SLC17A2: variants seen among roughly 807,000 people sequenced by gnomAD.
SLC17A2 encodes solute carrier family 17 member 2.
Under a neutral mutation model 52.1 loss-of-function variants are expected in SLC17A2, and 38 were observed. The ratio of observed to expected loss-of-function variants is 0.73; its 90% CI spans 0.56 to 0.96. The LOEUF (loss-of-function observed/expected upper bound fraction) is 0.96. Among genes scored for constraint, SLC17A2 ranks in the 40% least tolerant of loss-of-function variants. SLC17A2 has a pLI of 0.00. For missense variants in SLC17A2, 508 were observed against 583.9 expected (o/e 0.87, Z 1.34); for synonymous variants, 226 against 211.9 (o/e 1.07, Z -0.58).
intron 5 of SLC17A2, among the ~76,000 whole-genome samples, chr6:25,919,571 G>T (rs1346287344): frequency 6.6e-6 from 1 of 151,370 alleles, no homozygotes; most frequent in Non-Finnish European, 1.5e-5. Context: ...ATGGTGGCAG[G>T]CGCCTGTAGT....
chr6:25,925,678 C>A (rs1766736534), intron 2 of SLC17A2, 91 bp downstream of exon 2: 1 of 1,191,772 alleles, frequency 8.4e-7, no homozygotes, highest in Non-Finnish European at 1.3e-6. Flanking sequence ...AGTATCTTTA[C>A]GAAGGGTCAG....
At chr6:25,924,838 C>T (rs776839024) in intron 2 of SLC17A2, among the ~76,000 whole-genome samples, 5 of 151,328 alleles carry the variant, frequency 3.3e-5, no homozygotes, top group Non-Finnish European at 5.9e-5. Flanking sequence ...ATATGTAGAA[C>T]TATTTTTACA....
chr6:25,923,741 T>C lies in SLC17A2; in HGVS notation c.194A>G (p.Asp65Gly). The change falls in exon 3 of 12, where the codon GAT (aspartate) becomes GGT (glycine). Residue 65 changes from aspartate to glycine, a missense_variant. Transcript: ENST00000377850. Reference protein sequence around the residue: ...SNASTEGPVADAFNNSSISIK... With the variant: ...SNASTEGPVAGAFNNSSISIK... ...GGATATGCTGGAGTTATTGAAGGCA[T>C]CTGCAACAGGCCCCTCAGTGGAGGC... is the stretch of plus-strand genomic sequence containing the variant. The C allele has an allele frequency of 6.2e-7, 1 of 1,614,238 alleles. No homozygotes were observed. The highest frequency in any genetic ancestry group is 1.3e-5 in the African/African-American group (1 of 75,068).
intron 5 of SLC17A2, among the ~76,000 whole-genome samples, chr6:25,919,757 A>G (rs749857887): frequency 2.7e-5 from 4 of 147,908 alleles, no homozygotes; most frequent in Non-Finnish European, 4.5e-5. Flanking sequence ...TAAGCTATGC[A>G]ATAGGATAGA....
At chr6:25,918,344 A>T in intron 6 of SLC17A2, 143 bp downstream of exon 6, 1 of 622,820 alleles carries the variant, frequency 1.6e-6, no homozygotes, top group South Asian at 1.9e-5. Context: ...TAGATTAAAA[A>T]TGATACCAAC....
chr6:25,921,309 A>T lies in SLC17A2; in HGVS notation c.344T>A (p.Ile115Lys), dbSNP rs1245918818. The T allele has an allele frequency of 6.2e-7, 1 of 1,614,140 alleles. No homozygotes were observed. Among genetic ancestry groups the T allele is most frequent in the Non-Finnish European group, 8.5e-7 (1 of 1,180,012 alleles). Reference protein sequence around the residue: ...TLIPSGYLAGIFGAKKMLGAG... With the variant: ...TLIPSGYLAGKFGAKKMLGAG... The stretch of plus-strand genomic sequence containing the variant: ...ACCAAGCATTTTTTTTGCTCCAAAT[A>T]TCCCTGCTAAATATCCACTTGGGAT... The change falls in exon 4 of 12, where the codon ATA becomes AAA. Residue 115 changes from isoleucine (I) to lysine (K), a missense_variant. Coordinates refer to ENST00000377850, the MANE Select transcript of SLC17A2 (RefSeq NM_001286123.3).
At chr6:25,925,720 T>G in intron 2 of SLC17A2, 49 bp downstream of exon 2, 1 of 1,553,788 alleles carries the variant, frequency 6.4e-7, no homozygotes. Context: ...TGTGTCGGAA[T>G]AAGCTTCAGC....
chr6:25,929,753 C>T (rs1325735809), intron 1 of SLC17A2, among the ~76,000 whole-genome samples: 1 of 152,108 alleles, frequency 6.6e-6, no homozygotes, highest in African/African-American at 2.4e-5. Context: ...GTACAATTTT[C>T]TTGCCTTCAG....
rs1049966413 is a variant in SLC17A2 at position 25,930,374 on chromosome 6, T to A, written c.-181A>T. The A allele has an allele frequency of 1.3e-5, 2 of 152,232 alleles. No homozygotes were observed. Among genetic ancestry groups the A allele is most frequent in the African/African-American group, 4.8e-5 (2 of 41,466 alleles). 9.4% of individuals were successfully genotyped at this position (152,232 alleles called of 1,614,324 possible). A position where few individuals can be genotyped will look rare whatever the true frequency, so the allele number is the denominator to read the frequency against. Reference sequence around the variant, plus strand: ...GTCTTCATTGAATCAGTTATCTTTTTCAGAGAGTCTCTTCATTTTGGAATT... The same window carrying A: ...GTCTTCATTGAATCAGTTATCTTTTACAGAGAGTCTCTTCATTTTGGAATT... On this transcript the variant is annotated 5_prime_UTR_variant, in exon 1 of 12. Transcript: ENST00000377850.
intron 6 of SLC17A2, among the ~76,000 whole-genome samples, chr6:25,917,881 G>A (rs1490593055): frequency 1.3e-5 from 2 of 152,166 alleles, no homozygotes; most frequent in African/African-American, 4.8e-5. Context: ...AACATAGAAT[G>A]GATTCCTTGC....
intron 10 of SLC17A2, 88 bp downstream of exon 10, chr6:25,915,411 G>A (rs1766270116): frequency 6.0e-6 from 7 of 1,159,000 alleles, no homozygotes; most frequent in Non-Finnish European, 5.9e-6. Flanking sequence ...TGCAATGTCA[G>A]TAACATTAAA....
chr6:25,917,011 A>T lies in SLC17A2; in HGVS notation c.726T>A (p.Ser242Arg). 2 of 1,614,110 alleles carry T rather than the reference A, an allele frequency of 1.2e-6. No homozygotes were observed. The highest frequency in any genetic ancestry group is 1.7e-6 in the Non-Finnish European group (2 of 1,179,996). ...ACAGGATGTGCTCCTTTTCCCTAAC[A>T]CTTATGCACGGGTGATGCATGGGGT... ...YDDPMHHPCISVREKEHILSS... is the reference protein window; with the variant it reads ...YDDPMHHPCIRVREKEHILSS... The change falls in exon 7 of 12, where the codon AGT (serine) becomes AGA (arginine). Residue 242 changes from serine (S) to arginine (R), a missense_variant. Physicochemically the swap from Ser to Arg is moderately radical, Grantham distance 110 (BLOSUM62 -1). Coordinates refer to ENST00000377850, the MANE Select transcript of SLC17A2 (RefSeq NM_001286123.3).
chr6:25,918,459 C>T (rs995359152), intron 6 of SLC17A2, 28 bp downstream of exon 6: 19 of 1,494,206 alleles, frequency 1.3e-5, no homozygotes, highest in African/African-American at 4.1e-5. Context: ...GAAATGGAGG[C>T]GTTAGGATTT....
In SLC17A2 at chr6:25,923,569, A is replaced by T. The variant is rs1032839078; in HGVS notation, c.240+126T>A. 5.5e-6 allele frequency: 4 copies of T among 726,462 alleles called. No homozygotes were observed. In the African/African-American group the frequency reaches 7.1e-5, roughly 13 times the overall value. 45.0% of individuals were successfully genotyped at this position (726,462 alleles called of 1,614,324 possible). ...GAAGTAAGCAATGTCTCAAAGAAAA[A>T]TAGTTCCAGTCAGTTTTAATTTGTC... On this transcript the variant is annotated intron_variant, in intron 3 of 11. Transcript: ENST00000377850.
At chr6:25,921,499 C>A (rs1466813529) in intron 3 of SLC17A2, 87 bp from the exon 4 acceptor site, 2 of 826,172 alleles carry the variant, frequency 2.4e-6, no homozygotes, top group Admixed American at 2.6e-5. Context: ...GTTAGTGAGA[C>A]CCTAGTATAA....
At chr6:25,919,699 C>CGAAAAAAAAAAAAA (rs1766473764) in intron 5 of SLC17A2, among the ~76,000 whole-genome samples, 1 of 31,144 alleles carries the variant, frequency 3.2e-5, no homozygotes, top group Non-Finnish European at 6.2e-5. Flanking sequence ...GACACCGTCT[C>CGAAAAAAAAAAAAA]AAAAAAAAAA....
rs145188590 is a variant in SLC17A2 at position 25,916,721 on chromosome 6, C to T, written c.894G>A (p.Thr298=). The change falls in exon 8 of 12, where the codon ACG becomes ACA. Residue 298 remains threonine, a synonymous_variant. Coordinates refer to ENST00000377850, the MANE Select transcript of SLC17A2 (RefSeq NM_001286123.3). ...TAACATGGAGCAGAGTACTGATATA[C>T]GTTGGTAGGTATGTTAGGATGATGG... The part of the protein sequence containing the change: ...LCTIILTYLP[T]YISTLLHVNI... 763 of 1,613,624 alleles carry T rather than the reference C, an allele frequency of 4.7e-4. 4 individuals carry two copies. Among genetic ancestry groups the T allele is most frequent in the Non-Finnish European group, 4.8e-4 (569 of 1,179,640 alleles).
intron 6 of SLC17A2, 142 bp downstream of exon 6, chr6:25,918,345 T>C (rs1051280337): frequency 1.4e-5 from 9 of 623,762 alleles, no homozygotes; most frequent in Non-Finnish European, 2.6e-5. Context: ...AGATTAAAAA[T>C]GATACCAACC....
At position 25,914,133 on chromosome 6, in the gene SLC17A2, C is replaced by T. The variant is rs561798949; in HGVS notation, c.1302+447G>A. Among the ~76,000 whole-genome samples, 21 of 152,284 alleles carry T rather than the reference C, an allele frequency of 1.4e-4. No individual in the cohort carries two copies. In the South Asian group the frequency reaches 3.7e-3, roughly 27 times the overall value. ...AAGCCTCCTTGCAATGTCTCACAGC[C>T]GATCTGTTTCCAGACATTAAATTAT... is the stretch of plus-strand genomic sequence containing the variant. On this transcript the variant is annotated intron_variant, in intron 11 of 11. Transcript: ENST00000377850.
Sources: gnomAD v4.1 joint callset for allele counts (sites outside exome capture counted in the v4.1 genomes callset) on GRCh38, gnomAD v4.1.1 for gene constraint, MANE v1.5 for transcripts, NCBI Gene and HGNC (gene_info 2026-07-23, HGNC 2026-07-21) for gene names.